The following HMBOX1 variants were observed in gnomAD, a reference collection of about 807,000 sequenced individuals.
The protein encoded by HMBOX1 is homeobox containing 1, also known as homeobox-containing protein 1.
HMBOX1 carries 14 observed loss-of-function variants against 54.5 expected under a neutral mutation model. That is an observed-to-expected ratio of 0.26 (90% confidence interval 0.17 to 0.40). The LOEUF is 0.40. Ranked by LOEUF, HMBOX1 falls within the 10% of genes least tolerant of loss-of-function variation. HMBOX1 has a pLI of 1.00. For synonymous variants in HMBOX1, 160 were observed against 181.0 expected (o/e 0.88, Z 0.93); for missense variants, 332 against 514.4 (o/e 0.65, Z 3.43).
At chr8:29,029,702 C>A (rs1326032624) in intron 6 of HMBOX1, among the ~76,000 whole-genome samples, 1 of 152,188 alleles carries the variant, frequency 6.6e-6, no homozygotes. Flanking sequence ...ATTTTGAGAA[C>A]TTACGGTTAC....
chr8:28,900,974 G>C (rs1403798804), intron 1 of HMBOX1, among the ~76,000 whole-genome samples: 3 of 152,068 alleles, frequency 2.0e-5, no homozygotes, highest in Non-Finnish European at 4.4e-5. Flanking sequence ...GTGCAAATCT[G>C]ATCTCCACTA....
In HMBOX1 at chr8:28,970,561, ATTC is replaced by A. The variant is rs144747345; in HGVS notation, c.500+45_500+47del. On this transcript the variant is annotated intron_variant, in intron 3 of 9. Transcript: ENST00000287701. This position sits in a 1 kb window ranked among gnomAD's most constrained non-coding sequence, Gnocchi z 4.3. The stretch of plus-strand genomic sequence containing the variant: ...ATTCAGAGTCCCTAAAAATGTCTGT[ATTC>A]TTAGATTGTTTTTAAGTAGTATGCT... 1.2e-3 allele frequency: 1,505 copies of A among 1,274,766 alleles called. 10 individuals carry two copies. In the African/African-American group the frequency reaches 0.021, roughly 17 times the overall value. 79.0% of individuals were successfully genotyped at this position (1,274,766 alleles called of 1,614,324 possible).
At chr8:29,019,031 A>G in intron 6 of HMBOX1, 118 bp downstream of exon 6, 1 of 806,454 alleles carries the variant, frequency 1.2e-6, no homozygotes, top group South Asian at 1.8e-5. Context: ...TCTATCTCTA[A>G]AAGTACTTTA....
intron 1 of HMBOX1, among the ~76,000 whole-genome samples, chr8:28,945,386 C>T (rs568579865): frequency 1.3e-5 from 2 of 152,310 alleles, no homozygotes; most frequent in Admixed American, 1.3e-4. Flanking sequence ...AAATCTTATT[C>T]TTTGTGATCT....
At chr8:28,891,966 T>C (rs977689848) in intron 1 of HMBOX1, among the ~76,000 whole-genome samples, 2 of 152,196 alleles carry the variant, frequency 1.3e-5, no homozygotes, top group South Asian at 4.2e-4. Context: ...TACAGAAACC[T>C]CTGGCTTCCC....
In HMBOX1 at chr8:28,973,918, G is replaced by A. The variant is rs189372451; in HGVS notation, c.500+3399G>A. Among the ~76,000 whole-genome samples, 440 of 143,172 alleles carry A rather than the reference G, an allele frequency of 3.1e-3. 1 individual carries two copies. Among genetic ancestry groups the A allele is most frequent in the African/African-American group, 0.011 (416 of 38,714 alleles). 93.9% of individuals were successfully genotyped at this position (143,172 alleles called of 152,430 possible). On this transcript the variant is annotated intron_variant, in intron 3 of 9. Coordinates refer to ENST00000287701, the MANE Select transcript of HMBOX1 (RefSeq NM_001135726.3). The stretch of plus-strand genomic sequence containing the variant: ...CAACCTTCGCCTCCCGGGTTAAAGC[G>A]ATTCTCATGTCTCAGTCTCCCTCGT...
chr8:29,008,548 A>G (rs1254867747), intron 4 of HMBOX1, among the ~76,000 whole-genome samples: 1 of 152,198 alleles, frequency 6.6e-6, no homozygotes, highest in Admixed American at 6.5e-5. Context: ...TAAATGAATT[A>G]ACAAATAAGC....
chr8:28,983,623 A>T (rs1829743805), intron 4 of HMBOX1, among the ~76,000 whole-genome samples: 1 of 152,198 alleles, frequency 6.6e-6, no homozygotes, highest in African/African-American at 2.4e-5. Context: ...AGAGTCTAGC[A>T]TTGTGCAGGT....
At chr8:28,926,555 A>T (rs1397797737) in intron 1 of HMBOX1, among the ~76,000 whole-genome samples, 5 of 151,838 alleles carry the variant, frequency 3.3e-5, no homozygotes, top group African/African-American at 1.2e-4. Context: ...AGCTTTTTAA[A>T]TTTTTTTCTT....
chr8:28,942,810 G>A (rs986341596), intron 1 of HMBOX1, among the ~76,000 whole-genome samples: 1 of 152,114 alleles, frequency 6.6e-6, no homozygotes, highest in South Asian at 2.1e-4. Context: ...AAATAATACT[G>A]CAAAGAATAA....
At chr8:28,954,710 T>C (rs932161245) in intron 1 of HMBOX1, among the ~76,000 whole-genome samples, 3 of 152,184 alleles carry the variant, frequency 2.0e-5, no homozygotes, top group Non-Finnish European at 4.4e-5. Flanking sequence ...GTCACAACAA[T>C]TATACTGCTA....
intron 4 of HMBOX1, among the ~76,000 whole-genome samples, chr8:29,008,695 A>G (rs1002203456): frequency 6.6e-6 from 1 of 152,182 alleles, no homozygotes; most frequent in African/African-American, 2.4e-5. Context: ...TAAAAGTTTT[A>G]TTATTCTAAA....
Position 28,945,813 on chromosome 8 carries a change from T to C in HMBOX1, c.-57-17998T>C, listed in dbSNP as rs540454444. ...TTCATGGGGAAAAGGTTTTTTTTTT[T>C]CCACTTTTTGAAGTAACTTTAATAA... On this transcript the variant is annotated intron_variant, in intron 1 of 9. Transcript: ENST00000287701. Among the ~76,000 whole-genome samples, 230 of 152,172 alleles carry C rather than the reference T, an allele frequency of 1.5e-3. 3 individuals are homozygous for C. Among genetic ancestry groups the C allele is most frequent in the African/African-American group, 5.1e-3 (212 of 41,544 alleles).
intron 1 of HMBOX1, among the ~76,000 whole-genome samples, chr8:28,930,782 T>G (rs1352658055): frequency 6.6e-6 from 1 of 152,248 alleles, no homozygotes; most frequent in Non-Finnish European, 1.5e-5. Context: ...GATCATTCAC[T>G]TCTTTGAATC....
chr8:29,050,171 A>G (rs1357486466), intron 9 of HMBOX1: 3 of 935,778 alleles, frequency 3.2e-6, no homozygotes, highest in South Asian at 4.9e-5. Context: ...AGGGCAGCAC[A>G]TTCCATGTTT....
chr8:28,994,635 T>A (rs1831517146), intron 4 of HMBOX1, among the ~76,000 whole-genome samples: 1 of 152,182 alleles, frequency 6.6e-6, no homozygotes, highest in African/African-American at 2.4e-5. Context: ...TGCATAAAAA[T>A]TTTAAGCATA....
In HMBOX1 at chr8:29,016,927, G is replaced by A. The variant is rs573842567; in HGVS notation, c.698-1833G>A. 3.3e-5 allele frequency among the ~76,000 whole-genome samples: 5 copies of A among 152,380 alleles called. No homozygotes were observed. In the South Asian group the frequency reaches 1.0e-3, roughly 32 times the overall value. Reference sequence around the variant, plus strand: ...GGTCGCACAGCCTAATCATGGTGCAGTGTGGGAAGGGACTATACGGAGGTG... The same window carrying A: ...GGTCGCACAGCCTAATCATGGTGCAATGTGGGAAGGGACTATACGGAGGTG... On this transcript the variant is annotated intron_variant, in intron 5 of 9. Transcript: ENST00000287701.
intron 1 of HMBOX1, among the ~76,000 whole-genome samples, chr8:28,927,960 C>T (rs935689424): frequency 6.7e-6 from 1 of 149,790 alleles, no homozygotes; most frequent in African/African-American, 2.4e-5. Context: ...CATGGTGAAA[C>T]TCTGTCTCTT....
Position 29,049,014 on chromosome 8 carries a change from G to A in HMBOX1, c.1091G>A (p.Ser364Asn), listed in dbSNP as rs1005218841. 1 of 1,614,136 alleles carries A rather than the reference G, an allele frequency of 6.2e-7. No homozygotes were observed. Among genetic ancestry groups the A allele is most frequent in the East Asian group, 2.2e-5 (1 of 44,884 alleles). The change falls in exon 9 of 10, where the codon AGT (serine) becomes AAT (asparagine). Residue 364 changes from serine to asparagine, a missense_variant. By Grantham distance (46) the Ser-to-Asn change is conservative. Coordinates refer to ENST00000287701, the MANE Select transcript of HMBOX1 (RefSeq NM_001135726.3). ...CAGAGTCCAGGAGGCCACTCAAACA[G>A]TGATGATGTCGACGGGAATGACTAC... Reference protein sequence around the residue: ...DVQSPGGHSNSDDVDGNDYSE... With the variant: ...DVQSPGGHSNNDDVDGNDYSE...
Sources: gnomAD v4.1 joint callset for allele counts (sites outside exome capture counted in the v4.1 genomes callset) on GRCh38, gnomAD v4.1.1 for gene constraint, Gnocchi (gnomAD v3.1) non-coding constraint, MANE v1.5 for transcripts, NCBI Gene and HGNC (gene_info 2026-07-23, HGNC 2026-07-21) for gene names.